The following TMCC2 variants were observed in gnomAD, a reference collection of about 807,000 sequenced individuals.
TMCC2 encodes the protein transmembrane and coiled-coil domain family 2.
A neutral mutation model predicts 49.4 loss-of-function variants in TMCC2; 16 were observed. That is an observed-to-expected ratio of 0.32 (90% CI 0.22 to 0.49). The LOEUF (loss-of-function observed/expected upper bound fraction) is 0.49, where lower values mean the gene tolerates loss of function less well. Ranked by LOEUF, TMCC2 falls within the 20% of genes least tolerant of loss-of-function variation. The pLI is 0.99. For synonymous variants in TMCC2, 397 were observed against 434.1 expected (o/e 0.91, Z 1.06); for missense variants, 762 against 989.8 (o/e 0.77, Z 3.09).
At chr1:205,255,775 A>C (rs1660846871) in intron 2 of TMCC2, among the ~76,000 whole-genome samples, 1 of 152,190 alleles carries the variant, frequency 6.6e-6, no homozygotes. Context: ...CTTATCATTT[A>C]ATAGGGGCAT....
intron 1 of TMCC2, among the ~76,000 whole-genome samples, chr1:205,240,084 A>T (rs1381081312): frequency 6.6e-6 from 1 of 152,222 alleles, no homozygotes; most frequent in Admixed American, 6.5e-5. Flanking sequence ...GCTATGGCTC[A>T]TTGAGTCCCA....
chr1:205,268,918 C>T, intron 2 of TMCC2, 32 bp from the exon 3 acceptor site: 1 of 1,603,498 alleles, frequency 6.2e-7, no homozygotes, highest in Non-Finnish European at 8.5e-7. Flanking sequence ...CCAGGGTTTA[C>T]CCATGCTTCC....
intron 2 of TMCC2, among the ~76,000 whole-genome samples, chr1:205,259,185 T>C (rs111785671): frequency 1.7e-4 from 24 of 138,646 alleles, no homozygotes; most frequent in African/African-American, 5.7e-4. Flanking sequence ...CCAAAGCTTT[T>C]TCTTTGTCTT....
intron 1 of TMCC2, chr1:205,236,366 G>A (rs1281717647): frequency 6.6e-6 from 1 of 152,238 alleles, no homozygotes; most frequent in Non-Finnish European, 1.5e-5. Context: ...AGAAAAGGCT[G>A]TTGGAGCATT....
chr1:205,258,998 C>T (rs888704091), intron 2 of TMCC2, among the ~76,000 whole-genome samples: 1 of 152,190 alleles, frequency 6.6e-6, no homozygotes, highest in African/African-American at 2.4e-5. Context: ...GCCCCGGGGC[C>T]GCACTCGCCT....
At position 205,246,820 on chromosome 1, in the gene TMCC2, T is replaced by C. The variant is rs1660471749; in HGVS notation, c.747+4776T>C. The C allele has an allele frequency of 4.3e-6, 4 of 923,672 alleles. 1 individual carries two copies. In the East Asian group the frequency reaches 1.2e-4, roughly 27 times the overall value. The allele number at this position is 923,672 out of a possible 1,614,324, so 57.2% of individuals were successfully genotyped here. A position where few individuals can be genotyped will look rare whatever the true frequency, so the allele number is the denominator to read the frequency against. ...TGTCTTTGGTTGCCTAGGGCTCCCA[T>C]GAAGACCTCCTGAGCAGGGGGAAGA... is the stretch of plus-strand genomic sequence containing the variant. On this transcript the variant is annotated intron_variant, in intron 2 of 4. Transcript: ENST00000358024.
chr1:205,271,894 G>C lies in TMCC2; in HGVS notation c.1900G>C (p.Val634Leu). The C allele has an allele frequency of 6.2e-7, 1 of 1,614,136 alleles. No homozygotes were observed. The highest frequency in any genetic ancestry group is 8.5e-7 in the Non-Finnish European group (1 of 1,180,036). The change falls in exon 5 of 5, where the codon GTG becomes CTG. Residue 634 changes from valine (V) to leucine (L), a missense_variant. Physicochemically the swap from Val to Leu is conservative, Grantham distance 32. This residue lies in a region of TMCC2 where 440 missense variants were observed against 636.7 expected (regional missense o/e 0.69). Transcript: ENST00000358024. ...GCAGCAGGTGGTACAGCTGGAGGGC[G>C]TGGAGAATGCCAACGCGCGGGCGCT... Reference protein sequence around the residue: ...QQQQVVQLEGVENANARALLG... With the variant: ...QQQQVVQLEGLENANARALLG...
rs141568172 is a variant in TMCC2, at chr1:205,236,052, C to T, written c.208-5453C>T. On this transcript the variant is annotated intron_variant, in intron 1 of 4. Transcript: ENST00000358024. The stretch of plus-strand genomic sequence containing the variant: ...CCATTACACTCCAGCCTAGGCGACA[C>T]AGCAGGACTCTGTCTCAAAAAAAAA... Among the ~76,000 whole-genome samples, 22 of 136,136 alleles carry T rather than the reference C, an allele frequency of 1.6e-4. No homozygotes were observed. The East Asian group carries it at 4.7e-3, about 29-fold the overall frequency. The allele number at this position is 136,136 out of a possible 152,430, so 89.3% of individuals were successfully genotyped here.
chr1:205,265,402 C>G (rs897180274), intron 2 of TMCC2, among the ~76,000 whole-genome samples: 1 of 152,216 alleles, frequency 6.6e-6, no homozygotes, highest in Admixed American at 6.5e-5. Flanking sequence ...ATTTTACACT[C>G]CTGTATAGTC....
chr1:205,270,212 A>G (rs1019161970), intron 3 of TMCC2, among the ~76,000 whole-genome samples: 3 of 151,910 alleles, frequency 2.0e-5, no homozygotes, highest in African/African-American at 7.3e-5. Context: ...ACACCCCGCT[A>G]ATTTTTTGTA....
rs1213524459 is a variant in TMCC2, at chr1:205,272,829, GC to G, written c.*711del. Reference sequence around the variant, plus strand: ...TATTTTCAGGGAAACAGGCCCCAGGGCCCCCCTGAGCCTCACCCTAAGCCCT... The same window carrying G: ...TATTTTCAGGGAAACAGGCCCCAGGGCCCCCTGAGCCTCACCCTAAGCCCT... On this transcript the variant is annotated 3_prime_UTR_variant, in exon 5 of 5. Transcript: ENST00000358024. The G allele has an allele frequency of 5.9e-5, 9 of 152,920 alleles. 1 individual carries two copies. 9.5% of individuals were successfully genotyped at this position (152,920 alleles called of 1,614,324 possible).
chr1:205,247,310 T>C (rs1660491196), intron 2 of TMCC2, among the ~76,000 whole-genome samples: 1 of 152,106 alleles, frequency 6.6e-6, no homozygotes, highest in African/African-American at 2.4e-5. Flanking sequence ...GGGATCCTAG[T>C]CTGTACCCAA....
chr1:205,240,704 C>T (rs1026923681), intron 1 of TMCC2, among the ~76,000 whole-genome samples: 1 of 152,198 alleles, frequency 6.6e-6, no homozygotes, highest in Non-Finnish European at 1.5e-5. Flanking sequence ...AGACCCTCAT[C>T]GTCAACCATG....
rs1305287071 is a variant in TMCC2, at chr1:205,272,951, G to A, written c.*827G>A. On this transcript the variant is annotated 3_prime_UTR_variant, in exon 5 of 5. Coordinates refer to ENST00000358024, the MANE Select transcript of TMCC2 (RefSeq NM_014858.4). ...CAGTGTCTTCCCTGCTGAGTACCAG[G>A]AGAGGTCCTGCCCCATCCTCTCTCT... 1 of 152,412 alleles carries A rather than the reference G, an allele frequency of 6.6e-6. No homozygotes were observed. The highest frequency in any genetic ancestry group is 2.4e-5 in the African/African-American group (1 of 41,392). 9.4% of individuals were successfully genotyped at this position (152,412 alleles called of 1,614,324 possible).
chr1:205,245,900 C>T lies in TMCC2; in HGVS notation c.747+3856C>T, dbSNP rs186590228. Among the ~76,000 whole-genome samples, 76 of 151,868 alleles carry T rather than the reference C, an allele frequency of 5.0e-4. 1 individual carries two copies. In the East Asian group the frequency reaches 0.011, roughly 22 times the overall value. On this transcript the variant is annotated intron_variant, in intron 2 of 4. Coordinates refer to ENST00000358024, the MANE Select transcript of TMCC2 (RefSeq NM_014858.4). Reference sequence around the variant, plus strand: ...AAGTGATTCTCCTGCCTCAGCCTCCCGAGTAGCTGGGATTACAGGCACTCA... The same window carrying T: ...AAGTGATTCTCCTGCCTCAGCCTCCTGAGTAGCTGGGATTACAGGCACTCA...
intron 1 of TMCC2, among the ~76,000 whole-genome samples, chr1:205,231,630 G>T (rs1659804904): frequency 6.6e-6 from 1 of 152,124 alleles, no homozygotes; most frequent in African/African-American, 2.4e-5. Context: ...TGGAAAAATT[G>T]TTTTCCAATG....
At chr1:205,259,004 C>T (rs1660993241) in intron 2 of TMCC2, among the ~76,000 whole-genome samples, 2 of 152,206 alleles carry the variant, frequency 1.3e-5, no homozygotes, top group Non-Finnish European at 2.9e-5. Flanking sequence ...GGGCCGCACT[C>T]GCCTGCTGGG....
chr1:205,257,848 G>C (rs1660940998), intron 2 of TMCC2, among the ~76,000 whole-genome samples: 3 of 152,176 alleles, frequency 2.0e-5, no homozygotes, highest in African/African-American at 7.2e-5. Context: ...ATGGACAATG[G>C]AGAAGACCTG....
At chr1:205,265,400 C>T (rs1661281260) in intron 2 of TMCC2, among the ~76,000 whole-genome samples, 1 of 152,224 alleles carries the variant, frequency 6.6e-6, no homozygotes, top group South Asian at 2.1e-4. Flanking sequence ...CTATTTTACA[C>T]TCCTGTATAG....
Sources: allele counts gnomAD v4.1 joint callset (sites outside exome capture counted in the v4.1 genomes callset), GRCh38; gene constraint gnomAD v4.1.1; regional missense constraint gnomAD v4.1.1; transcripts MANE v1.5; gene names NCBI Gene and HGNC (gene_info 2026-07-23, HGNC 2026-07-21).